The following CCDC169 variants were observed in gnomAD, a reference collection of about 807,000 sequenced individuals.
CCDC169 encodes the protein coiled-coil domain containing 169.
CCDC169 carries 30 observed loss-of-function variants against 36.0 expected under a neutral mutation model. That is an observed-to-expected ratio of 0.83 (90% confidence interval 0.62 to 1.13). The LOEUF (loss-of-function observed/expected upper bound fraction) is 1.13, where lower values mean the gene tolerates loss of function less well. Ranked by LOEUF, CCDC169 falls within the 50% of genes most tolerant of loss-of-function variation. The probability of loss-of-function intolerance (pLI) is 0.00; values close to 1 mark genes in which losing one functional copy is unlikely to be tolerated. For missense variants in CCDC169, 245 were observed against 245.9 expected (o/e 1.00, Z 0.03); for synonymous variants, 85 against 81.5 (o/e 1.04, Z -0.23).
chr13:36,255,165 G>C (rs1873704711), intron 4 of CCDC169, among the ~76,000 whole-genome samples: 2 of 152,154 alleles, frequency 1.3e-5, no homozygotes, highest in South Asian at 4.1e-4. Context: ...GCCAGTTCTA[G>C]GAACAACTTG....
intron 4 of CCDC169, among the ~76,000 whole-genome samples, chr13:36,259,864 C>T (rs1052065451): frequency 2.0e-5 from 3 of 152,214 alleles, no homozygotes; most frequent in Admixed American, 6.5e-5. Context: ...TCTCCAGACT[C>T]CCACCAGGTG....
At chr13:36,294,200 T>A (rs998095444) in intron 2 of CCDC169, among the ~76,000 whole-genome samples, 3 of 152,216 alleles carry the variant, frequency 2.0e-5, no homozygotes, top group African/African-American at 7.2e-5. Flanking sequence ...TTTCTCTTTA[T>A]ACCCACATAC....
In CCDC169 at chr13:36,231,046, C is replaced by T. The variant is rs1870364618; in HGVS notation, c.*147G>A. On this transcript the variant is annotated 3_prime_UTR_variant, in exon 8 of 8. Coordinates refer to ENST00000239859, the MANE Select transcript of CCDC169 (RefSeq NM_001144981.3). ...AATTACTTTTATGCAGACAAAGGAA[C>T]ACACGTCTGGAAAAGGAACTAAAGA... is the stretch of plus-strand genomic sequence containing the variant. The T allele has an allele frequency of 1.4e-6, 2 of 1,418,924 alleles. No individual in the cohort carries two copies. Among genetic ancestry groups the T allele is most frequent in the Non-Finnish European group, 9.2e-7 (1 of 1,091,526 alleles). The allele number at this position is 1,418,924 out of a possible 1,614,324, so 87.9% of individuals were successfully genotyped here. A position where few individuals can be genotyped will look rare whatever the true frequency, so the allele number is the denominator to read the frequency against.
Position 36,253,818 on chromosome 13 carries a change from T to C in CCDC169, c.453A>G (p.Leu151=). The change falls in exon 6 of 8, where the codon CTA becomes CTG. Residue 151 remains leucine (L), a synonymous_variant. Transcript: ENST00000239859. ...AAAGAGTTACCTGAGACATTTCAGC[T>C]AGGTATGTACGGCGTTCATTGTTGA... is the stretch of plus-strand genomic sequence containing the variant. ...QKINNERRTY[L]AEMSQGSGLH... is the part of the protein sequence containing the mutation. 2 of 1,550,122 alleles carry C rather than the reference T, an allele frequency of 1.3e-6. No individual in the cohort carries two copies. The highest frequency in any genetic ancestry group is 1.7e-6 in the Non-Finnish European group (2 of 1,146,654).
intron 4 of CCDC169, among the ~76,000 whole-genome samples, chr13:36,256,023 CCT>C (rs1482202652): frequency 3.1e-5 from 3 of 96,886 alleles, no homozygotes; most frequent in Admixed American, 1.2e-4. Context: ...CCTGTCTTGG[CCT>C]GCTCCAGCCT....
chr13:36,246,263 A>C lies in CCDC169; in HGVS notation c.545+2343T>G, dbSNP rs2138440406. On this transcript the variant is annotated intron_variant, in intron 7 of 7. Transcript: ENST00000239859. ...GTATGTTGAAAGCTGAGACAGGCTG[A>C]AAGCTAGGCCTCTTGTGCCAAACAG... Among the ~76,000 whole-genome samples the C allele has an allele frequency of 1.3e-5, 2 of 152,134 alleles. 1 individual carries two copies. Among genetic ancestry groups the C allele is most frequent in the South Asian group, 4.1e-4 (2 of 4,832 alleles).
intron 7 of CCDC169, among the ~76,000 whole-genome samples, chr13:36,244,278 C>T (rs1054676399): frequency 6.6e-6 from 1 of 152,168 alleles, no homozygotes; most frequent in Non-Finnish European, 1.5e-5. Flanking sequence ...ATTCACTGTG[C>T]CTATGCTGTT....
chr13:36,264,811 T>G (rs975285806), intron 4 of CCDC169, among the ~76,000 whole-genome samples: 3 of 152,220 alleles, frequency 2.0e-5, no homozygotes, highest in African/African-American at 4.8e-5. Flanking sequence ...GTGCTAGGGA[T>G]AGCACACTAA....
At chr13:36,270,216 A>G (rs1222850305) in intron 4 of CCDC169, among the ~76,000 whole-genome samples, 1 of 152,220 alleles carries the variant, frequency 6.6e-6, no homozygotes, top group Non-Finnish European at 1.5e-5. Context: ...TACTTAAAGC[A>G]GGTGAAAGAT....
intron 7 of CCDC169, among the ~76,000 whole-genome samples, chr13:36,244,040 CA>C (rs1414654836): frequency 7.9e-5 from 12 of 152,094 alleles, no homozygotes; most frequent in Non-Finnish European, 1.8e-4. Context: ...ATTTGAATAA[CA>C]GAGGTAATAT....
chr13:36,250,707 T>C (rs1382503725), intron 6 of CCDC169, among the ~76,000 whole-genome samples: 1 of 152,068 alleles, frequency 6.6e-6, no homozygotes. Flanking sequence ...CAAAAACCTA[T>C]GGGAAGACTG....
intron 4 of CCDC169, among the ~76,000 whole-genome samples, chr13:36,277,611 GA>G (rs1264778201): frequency 2.0e-5 from 3 of 152,172 alleles, no homozygotes; most frequent in Non-Finnish European, 4.4e-5. Context: ...TTAGAGACTA[GA>G]AAATGTACAC....
downstream of CCDC169, among the ~76,000 whole-genome samples, chr13:36,229,644 T>C (rs2138370954): frequency 6.6e-6 from 1 of 151,244 alleles, no homozygotes; most frequent in South Asian, 2.1e-4. Flanking sequence ...TTCAAGTGAT[T>C]CTCATGCCCC....
chr13:36,248,633 G>T lies in CCDC169; in HGVS notation c.518C>A (p.Pro173His), dbSNP rs1334255489. The change falls in exon 7 of 8, where the codon CCT becomes CAT. Residue 173 changes from proline (P) to histidine (H), a missense_variant. By Grantham distance (77) the Pro-to-His change is moderately conservative. Transcript: ENST00000239859. ...VSKRQQVDQL[P>H]RMQENLVKTG... ...TTTCACTAGATTCTCTTGCATCCTA[G>T]GCAGTTGATCCACCTGTTGCCTTTT... 6.4e-7 allele frequency: 1 copy of T among 1,550,644 alleles called. No individual in the cohort carries two copies. Among genetic ancestry groups the T allele is most frequent in the Non-Finnish European group, 8.7e-7 (1 of 1,146,340 alleles).
intron 4 of CCDC169, among the ~76,000 whole-genome samples, chr13:36,269,971 G>T (rs1875818647): frequency 6.6e-6 from 1 of 152,140 alleles, no homozygotes; most frequent in Non-Finnish European, 1.5e-5. Context: ...TTGGAAAAGA[G>T]GAATCCGAAC....
intron 4 of CCDC169, among the ~76,000 whole-genome samples, chr13:36,268,656 C>A (rs1013745029): frequency 9.4e-5 from 14 of 148,254 alleles, no homozygotes; most frequent in Admixed American, 2.0e-4. Context: ...AACAAAAAAA[C>A]CCCAAAAGAT....
chr13:36,279,457 C>T (rs1379958508), intron 4 of CCDC169, among the ~76,000 whole-genome samples: 1 of 152,092 alleles, frequency 6.6e-6, no homozygotes, highest in African/African-American at 2.4e-5. Context: ...TGAAAATCTA[C>T]CTATCTTATG....
chr13:36,264,795 G>A (rs540818843), intron 4 of CCDC169, among the ~76,000 whole-genome samples: 1 of 152,230 alleles, frequency 6.6e-6, no homozygotes, highest in South Asian at 2.1e-4. Flanking sequence ...TTATGTGTCA[G>A]GCATTGTGCT....
At chr13:36,253,908 A>G in intron 5 of CCDC169, 52 bp from the exon 6 acceptor site, 1 of 1,543,182 alleles carries the variant, frequency 6.5e-7, no homozygotes, top group Non-Finnish European at 8.7e-7. Context: ...GATTAGCAAT[A>G]CTAGCAAGAC....
Sources: allele counts gnomAD v4.1 joint callset (sites outside exome capture counted in the v4.1 genomes callset), GRCh38; gene constraint gnomAD v4.1.1; transcripts MANE v1.5; gene names NCBI Gene and HGNC (gene_info 2026-07-23, HGNC 2026-07-21).